TIAL1: variants seen among roughly 807,000 people sequenced by gnomAD.
TIAL1 encodes the protein TIA1 cytotoxic granule associated RNA binding protein like 1.
A neutral mutation model predicts 59.7 loss-of-function variants in TIAL1; 7 were observed. The ratio of observed to expected loss-of-function variants is 0.12; its 90% CI spans 0.07 to 0.22. TIAL1 has a LOEUF of 0.22. Among genes scored for constraint, TIAL1 ranks in the 10% least tolerant of loss-of-function variants. The probability of loss-of-function intolerance (pLI) is 1.00; values close to 1 mark genes in which losing one functional copy is unlikely to be tolerated. For missense variants in TIAL1, 225 were observed against 462.5 expected (o/e 0.49, Z 4.71); for synonymous variants, 149 against 146.3 (o/e 1.02, Z -0.13).
chr10:119,581,707 C>A, intron 5 of TIAL1: 1 of 400,428 alleles, frequency 2.5e-6, no homozygotes. Context: ...ATATTATACA[C>A]AGGATTAGAT....
At chr10:119,585,459 A>G (rs1032545280) in intron 2 of TIAL1, among the ~76,000 whole-genome samples, 1 of 152,042 alleles carries the variant, frequency 6.6e-6, no homozygotes, top group Non-Finnish European at 1.5e-5. Flanking sequence ...CTTAAAAAAA[A>G]AAAAAAAAAA....
At chr10:119,585,904 G>A (rs571509556) in intron 2 of TIAL1, among the ~76,000 whole-genome samples, 24 of 152,138 alleles carry the variant, frequency 1.6e-4, no homozygotes, top group Middle Eastern at 3.4e-3. Context: ...ATTCTCTTCT[G>A]TCTCCTACCA....
At chr10:119,596,067 C>T (rs1197755247) in intron 1 of TIAL1, among the ~76,000 whole-genome samples, 1 of 149,514 alleles carries the variant, frequency 6.7e-6, no homozygotes, top group African/African-American at 2.4e-5. Flanking sequence ...CCAGGCCCTT[C>T]CCCCGTGGGC....
At chr10:119,592,833 G>C (rs991030553) in intron 1 of TIAL1, among the ~76,000 whole-genome samples, 4 of 151,930 alleles carry the variant, frequency 2.6e-5, no homozygotes, top group African/African-American at 9.7e-5. Flanking sequence ...ATATGATTAA[G>C]TTGAATTTGA....
chr10:119,577,797 T>C, intron 7 of TIAL1, 61 bp from the exon 8 acceptor site: 2 of 1,390,970 alleles, frequency 1.4e-6, no homozygotes, highest in South Asian at 2.3e-5. Flanking sequence ...ACTCTTCTGT[T>C]AATTACTATA....
Position 119,574,559 on chromosome 10 carries a change from G to A in TIAL1, c.*1106C>T, listed in dbSNP as rs1383020025. The A allele has an allele frequency of 3.4e-5, 4 of 116,722 alleles. No homozygotes were observed. Among genetic ancestry groups the A allele is most frequent in the Non-Finnish European group, 6.7e-5 (4 of 59,546 alleles). 7.2% of individuals were successfully genotyped at this position (116,722 alleles called of 1,614,324 possible). A position where few individuals can be genotyped will look rare whatever the true frequency, so the allele number is the denominator to read the frequency against. ...AATTGGTTTACAAGGTTTTAATCAA[G>A]GTATTTACATACCAAGTAATGTAAA... On this transcript the variant is annotated 3_prime_UTR_variant, in exon 12 of 12. Transcript: ENST00000436547.
At chr10:119,592,789 T>A (rs201796129) in intron 1 of TIAL1, among the ~76,000 whole-genome samples, 4 of 146,050 alleles carry the variant, frequency 2.7e-5, no homozygotes, top group Admixed American at 1.4e-4. Flanking sequence ...ACACACACAC[T>A]CACTCTCTCT....
rs1845084793 is a variant in TIAL1, at chr10:119,577,853, G to A, written c.557-117C>T. On this transcript the variant is annotated intron_variant, in intron 7 of 11. Transcript: ENST00000436547. ...GGCCGGGCACCCAGCACTTTGGGAG[G>A]CTGAGGTGGGCAGATCACCTGAGGT... 9 of 800,382 alleles carry A rather than the reference G, an allele frequency of 1.1e-5. No individual in the cohort carries two copies. In the South Asian group the frequency reaches 1.3e-4, roughly 12 times the overall value. 49.6% of individuals were successfully genotyped at this position (800,382 alleles called of 1,614,324 possible).
chr10:119,579,914 A>C (rs777607973), intron 6 of TIAL1, 21 bp downstream of exon 6: 67 of 1,559,496 alleles, frequency 4.3e-5, no homozygotes, highest in Non-Finnish European at 5.4e-5. Flanking sequence ...AAAAAATATA[A>C]ATTGAGATGG....
intron 6 of TIAL1, 75 bp from the exon 7 acceptor site, chr10:119,578,909 C>T (rs1258477922): frequency 1.1e-5 from 13 of 1,134,244 alleles, no homozygotes; most frequent in African/African-American, 9.2e-5. Flanking sequence ...AATAAAATAT[C>T]GGCGCTGCTG....
chr10:119,578,224 C>CAAA (rs10541595), intron 7 of TIAL1, among the ~76,000 whole-genome samples: 1 of 57,346 alleles, frequency 1.7e-5, no homozygotes, highest in Non-Finnish European at 3.0e-5. Context: ...GACTCCACCT[C>CAAA]AAAAAAAAAA....
At chr10:119,590,809 A>AAAGG (rs1845840980) in intron 1 of TIAL1, among the ~76,000 whole-genome samples, 1 of 146,554 alleles carries the variant, frequency 6.8e-6, no homozygotes, top group Admixed American at 6.7e-5. Flanking sequence ...AGAAAGAAAG[A>AAAGG]AAGAAAGAAA....
intron 1 of TIAL1, among the ~76,000 whole-genome samples, chr10:119,595,995 G>C (rs761097938): frequency 6.8e-4 from 104 of 152,108 alleles, no homozygotes; most frequent in Non-Finnish European, 1.3e-3. Flanking sequence ...TGGAAGGGGT[G>C]AGTGCTAATT....
At chr10:119,576,799 A>C in intron 10 of TIAL1, 49 bp from the exon 11 acceptor site, 1 of 1,599,682 alleles carries the variant, frequency 6.3e-7, no homozygotes, top group Non-Finnish European at 8.5e-7. Flanking sequence ...GAAACACCGT[A>C]TATGAAGAAA....
At chr10:119,581,549 A>G (rs1262833898) in intron 5 of TIAL1, among the ~76,000 whole-genome samples, 1 of 152,122 alleles carries the variant, frequency 6.6e-6, no homozygotes, top group Non-Finnish European at 1.5e-5. Context: ...ACTCTTACAC[A>G]GTATAGATCA....
In TIAL1 at chr10:119,579,931, G is replaced by A. The variant is rs188444581; in HGVS notation, c.447+4C>T. 122 of 1,581,450 alleles carry A rather than the reference G, an allele frequency of 7.7e-5. 1 individual carries two copies. Among genetic ancestry groups the A allele is most frequent in the South Asian group, 3.6e-5 (3 of 83,798 alleles). ...AAAATATAAATTGAGATGGAAGAAC[G>A]TACCAGTTTGTTATAAAAAGATACA... On this transcript the variant is annotated splice_donor_region_variant and intron_variant, in intron 6 of 11. Coordinates refer to ENST00000436547, the MANE Select transcript of TIAL1 (RefSeq NM_003252.4).
chr10:119,576,085 A>C (rs1844977321), intron 11 of TIAL1, among the ~76,000 whole-genome samples: 2 of 152,122 alleles, frequency 1.3e-5, no homozygotes, highest in African/African-American at 4.8e-5. Flanking sequence ...TTACATAAGA[A>C]ATTTTAAAAA....
At chr10:119,577,577 T>G (rs749233846) in intron 8 of TIAL1, 42 bp from the exon 9 acceptor site, 1 of 1,607,230 alleles carries the variant, frequency 6.2e-7, no homozygotes, top group South Asian at 1.1e-5. Flanking sequence ...CTGATGTGTA[T>G]CATGAAATTC....
At chr10:119,594,165 G>C (rs923661005) in intron 1 of TIAL1, among the ~76,000 whole-genome samples, 5 of 151,872 alleles carry the variant, frequency 3.3e-5, no homozygotes, top group Non-Finnish European at 5.9e-5. Flanking sequence ...ACAGAGTTAA[G>C]ATGTTTATTT....
Sources: gnomAD v4.1 joint callset for allele counts (sites outside exome capture counted in the v4.1 genomes callset) on GRCh38, gnomAD v4.1.1 for gene constraint, MANE v1.5 for transcripts, NCBI Gene and HGNC (gene_info 2026-07-23, HGNC 2026-07-21) for gene names.